The following ZKSCAN2 variants were observed in gnomAD, a reference collection of about 807,000 sequenced individuals.
ZKSCAN2 encodes zinc finger with KRAB and SCAN domains 2.
A neutral mutation model predicts 90.5 loss-of-function variants in ZKSCAN2; 38 were observed. The observed-to-expected ratio is 0.42, with a 90% CI of 0.32 to 0.55. The LOEUF is 0.55. ZKSCAN2 is among the 20% of genes least tolerant of loss of function. The probability of loss-of-function intolerance (pLI) is 0.11; values close to 1 mark genes in which losing one functional copy is unlikely to be tolerated. For synonymous variants in ZKSCAN2, 429 were observed against 421.6 expected (o/e 1.02, Z -0.22); for missense variants, 1,167 against 1,202.6 (o/e 0.97, Z 0.44).
intron 5 of ZKSCAN2, 99 bp from the exon 6 acceptor site, chr16:25,244,375 AT>A: frequency 7.4e-7 from 1 of 1,358,126 alleles, no homozygotes; most frequent in Non-Finnish European, 1.0e-6. Flanking sequence ...AAAAAATCCC[AT>A]TCACAGTGGC....
rs776117830 is a variant in ZKSCAN2 at position 25,247,175 on chromosome 16, C to A, written c.1021G>T (p.Val341Leu). The A allele has an allele frequency of 7.4e-6, 12 of 1,614,102 alleles. No individual in the cohort carries two copies. The African/African-American group carries it at 1.5e-4, about 20-fold the overall frequency. The change falls in exon 5 of 7, where the codon GTG becomes TTG. Residue 341 changes from valine to leucine, a missense_variant. Val to Leu is a conservative substitution (Grantham distance 32, BLOSUM62 1). Coordinates refer to ENST00000328086, the MANE Select transcript of ZKSCAN2 (RefSeq NM_001012981.5). ...WGLEDEKIAG[V>L]HWSYEETKTF... ...TTTGTTTCCTCATAGCTCCAATGCA[C>A]ACCTGCTATCTTTTCATCTTCTAAA...
At chr16:25,256,674 T>A (rs1483171622) in intron 1 of ZKSCAN2, 55 bp downstream of exon 1, 2 of 1,550,728 alleles carry the variant, frequency 1.3e-6, no homozygotes, top group East Asian at 2.2e-5. Context: ...CCTGCCCACA[T>A]GCCTTTCCCA....
At chr16:25,243,361 T>C (rs1241804134) in intron 6 of ZKSCAN2, among the ~76,000 whole-genome samples, 1 of 152,146 alleles carries the variant, frequency 6.6e-6, no homozygotes, top group East Asian at 1.9e-4. Flanking sequence ...GGAGTCTCAC[T>C]CTATCACCCA....
At chr16:25,252,545 C>T (rs984304245) in intron 3 of ZKSCAN2, among the ~76,000 whole-genome samples, 2 of 151,876 alleles carry the variant, frequency 1.3e-5, no homozygotes, top group Non-Finnish European at 2.9e-5. Context: ...ATACTCTTGA[C>T]GGGAGTATAA....
intron 6 of ZKSCAN2, among the ~76,000 whole-genome samples, chr16:25,243,354 G>A (rs375680549): frequency 2.0e-5 from 3 of 152,234 alleles, no homozygotes; most frequent in Non-Finnish European, 4.4e-5. Flanking sequence ...TTCAGATGGA[G>A]TCTCACTCTA....
intron 4 of ZKSCAN2, 30 bp downstream of exon 4, chr16:25,251,879 C>T (rs755503381): frequency 6.2e-7 from 1 of 1,611,266 alleles, no homozygotes; most frequent in Non-Finnish European, 8.5e-7. Flanking sequence ...AGCTCCAAGT[C>T]TTATATTTGG....
At chr16:25,247,712 A>C (rs1471515955) in intron 4 of ZKSCAN2, among the ~76,000 whole-genome samples, 2 of 152,222 alleles carry the variant, frequency 1.3e-5, no homozygotes, top group Non-Finnish European at 2.9e-5. Flanking sequence ...GCTCCTACTC[A>C]GTATTTGTTA....
At chr16:25,246,657 C>A in intron 5 of ZKSCAN2, 50 bp downstream of exon 5, 1 of 1,602,716 alleles carries the variant, frequency 6.2e-7, no homozygotes, top group Non-Finnish European at 8.5e-7. Context: ...CCTTTTTCCA[C>A]AAGATCACAC....
chr16:25,239,868 C>G lies in ZKSCAN2; in HGVS notation c.2852G>C (p.Cys951Ser). 6.2e-7 allele frequency: 1 copy of G among 1,612,494 alleles called. No homozygotes were observed. The highest frequency in any genetic ancestry group is 1.1e-5 in the South Asian group (1 of 90,938). The change falls in exon 7 of 7, where the codon TGC becomes TCC. Residue 951 changes from cysteine (C) to serine (S), a missense_variant. Cys to Ser is a moderately radical substitution (Grantham distance 112). Coordinates refer to ENST00000328086, the MANE Select transcript of ZKSCAN2 (RefSeq NM_001012981.5). The stretch of plus-strand genomic sequence containing the variant: ...CTTTCCCTTATGTGGGTTCTCAGGG[C>G]AATACAGAGATGGAGGGTGTGGCAG... ...KPLPHPPSLY[C>S]PENPHKGKTD... is the part of the protein sequence containing the mutation.
Position 25,251,802 on chromosome 16 carries a change from G to A in ZKSCAN2, c.805+107C>T, listed in dbSNP as rs1391626949. On this transcript the variant is annotated intron_variant, in intron 4 of 6. Coordinates refer to ENST00000328086, the MANE Select transcript of ZKSCAN2 (RefSeq NM_001012981.5). Reference sequence around the variant, plus strand: ...AAGTGATTACACTAGACAATCCTTAGAGATCCTTTAAGTGTTAACATTTCT... The same window carrying A: ...AAGTGATTACACTAGACAATCCTTAAAGATCCTTTAAGTGTTAACATTTCT... 6 of 1,344,202 alleles carry A rather than the reference G, an allele frequency of 4.5e-6. No homozygotes were observed. The East Asian group carries it at 7.1e-5, about 16-fold the overall frequency. The allele number at this position is 1,344,202 out of a possible 1,614,324, so 83.3% of individuals were successfully genotyped here. A position where few individuals can be genotyped will look rare whatever the true frequency, so the allele number is the denominator to read the frequency against.
chr16:25,242,365 T>G (rs1962867060), intron 6 of ZKSCAN2, among the ~76,000 whole-genome samples: 1 of 152,202 alleles, frequency 6.6e-6, no homozygotes, highest in Admixed American at 6.5e-5. Context: ...CAAGCCTTCA[T>G]ACTATAATTT....
At chr16:25,241,764 C>G (rs1962857652) in intron 6 of ZKSCAN2, among the ~76,000 whole-genome samples, 1 of 152,222 alleles carries the variant, frequency 6.6e-6, no homozygotes, top group Non-Finnish European at 1.5e-5. Context: ...TCCACACATT[C>G]AGTAGAAACC....
In ZKSCAN2 at chr16:25,246,729, A is replaced by G. The variant is rs1292970027; in HGVS notation, c.1467T>C (p.Pro489=). The G allele has an allele frequency of 6.2e-7, 1 of 1,614,212 alleles. No individual in the cohort carries two copies. Among genetic ancestry groups the G allele is most frequent in the Admixed American group, 1.7e-5 (1 of 60,022 alleles). The change falls in exon 5 of 7, where the codon CCT becomes CCC. Residue 489 remains proline, a synonymous_variant. Coordinates refer to ENST00000328086, the MANE Select transcript of ZKSCAN2 (RefSeq NM_001012981.5). The part of the protein sequence containing the change: ...FIRKSEIHGA[P]VLFQNLSGVH... ...TACCACTGAGATTCTGAAACAAGAC[A>G]GGGGCACCATGGATTTCAGACTTGC...
intron 1 of ZKSCAN2, among the ~76,000 whole-genome samples, chr16:25,256,331 G>A (rs555657059): frequency 7.0e-6 from 1 of 143,772 alleles, no homozygotes; most frequent in South Asian, 2.2e-4. Context: ...TGGGATAACG[G>A]ATGAAGTCTT....
chr16:25,239,401 G>C lies in ZKSCAN2; in HGVS notation c.*415C>G, dbSNP rs571232199. 6.3e-6 allele frequency: 1 copy of C among 159,584 alleles called. No homozygotes were observed. The highest frequency in any genetic ancestry group is 1.9e-4 in the South Asian group (1 of 5,368). 9.9% of individuals were successfully genotyped at this position (159,584 alleles called of 1,614,324 possible). A position where few individuals can be genotyped will look rare whatever the true frequency, so the allele number is the denominator to read the frequency against. ...AGACTCCTCAAAGTTCTATCTAAAT[G>C]TGAAAATCTGTTATCAAGTTTCATC... is the stretch of plus-strand genomic sequence containing the variant. On this transcript the variant is annotated 3_prime_UTR_variant, in exon 7 of 7. Coordinates refer to ENST00000328086, the MANE Select transcript of ZKSCAN2 (RefSeq NM_001012981.5).
chr16:25,246,152 GTTCT>G (rs1962930134), intron 5 of ZKSCAN2: 2 of 153,178 alleles, frequency 1.3e-5, no homozygotes, highest in South Asian at 2.0e-4. Flanking sequence ...GATAATCTTA[GTTCT>G]TTAAGTTTGT....
Position 25,239,942 on chromosome 16 carries a change from C to A in ZKSCAN2, c.2778G>T (p.Lys926Asn), listed in dbSNP as rs1446968989. 6.2e-7 allele frequency: 1 copy of A among 1,614,204 alleles called. No homozygotes were observed. The highest frequency in any genetic ancestry group is 8.5e-7 in the Non-Finnish European group (1 of 1,180,030). Residue 926 changes from lysine (K) to asparagine (N), a missense_variant, in exon 7 of 7, where the codon AAG (lysine) becomes AAT (asparagine). Coordinates refer to ENST00000328086, the MANE Select transcript of ZKSCAN2 (RefSeq NM_001012981.5). ...GCAQCGKRFS[K>N]SSVLTKHREV... ...CCCGATGTTTGGTAAGAACAGAACTCTTACTGAAACGTTTGCCACACTGGG... is the reference window on the plus strand; with the variant it reads ...CCCGATGTTTGGTAAGAACAGAACTATTACTGAAACGTTTGCCACACTGGG...
intron 4 of ZKSCAN2, among the ~76,000 whole-genome samples, chr16:25,249,308 T>C (rs890711372): frequency 6.6e-6 from 1 of 152,208 alleles, no homozygotes; most frequent in Admixed American, 6.5e-5. Flanking sequence ...TAGATTTTCT[T>C]TTATTTTTGA....
At position 25,255,279 on chromosome 16, in the gene ZKSCAN2, T is replaced by C. The variant is rs747201915; in HGVS notation, c.513A>G (p.Glu171=). 1 of 1,613,694 alleles carries C rather than the reference T, an allele frequency of 6.2e-7. No individual in the cohort carries two copies. Among genetic ancestry groups the C allele is most frequent in the Non-Finnish European group, 8.5e-7 (1 of 1,179,904 alleles). The part of the protein sequence containing the change: ...ETQPRAVSRE[E]PGSLHSGHQE... The stretch of plus-strand genomic sequence containing the variant: ...GGTGTCCTGAGTGGAGGCTTCCAGG[T>C]TCCTCCCGAGACACCGCCCTGGGTT... Residue 171 remains glutamate (E), a synonymous_variant, in exon 2 of 7, where the codon GAA becomes GAG. Coordinates refer to ENST00000328086, the MANE Select transcript of ZKSCAN2 (RefSeq NM_001012981.5).
Sources: gnomAD v4.1 joint callset for allele counts (sites outside exome capture counted in the v4.1 genomes callset) on GRCh38, gnomAD v4.1.1 for gene constraint, MANE v1.5 for transcripts, NCBI Gene and HGNC (gene_info 2026-07-23, HGNC 2026-07-21) for gene names.